Variants in LAMB1 observed in about 807,000 individuals in gnomAD.
LAMB1 encodes the protein laminin subunit beta 1.
In LAMB1, 121 loss-of-function variants were observed where a neutral mutation model predicts 222.3. That is an observed-to-expected ratio of 0.54 (90% CI 0.47 to 0.63). The LOEUF is 0.63. Among genes scored for constraint, LAMB1 ranks in the 30% least tolerant of loss-of-function variants. LAMB1 has a pLI of 0.00. For synonymous variants in LAMB1, 794 were observed against 807.2 expected, an observed-to-expected ratio of 0.98 and a Z score of 0.28; for missense variants, 2,172 against 2,240.8, an observed-to-expected ratio of 0.97 and a Z score of 0.62.
intron 23 of LAMB1, among the ~76,000 whole-genome samples, chr7:107,951,662 C>CA (rs3216997): frequency 0.25 from 37,453 of 152,112 alleles, 4,921 homozygotes; most frequent in East Asian, 0.49. Flanking sequence ...CAGGAAACAA[C>CA]AGCACTTTTT....
intron 24 of LAMB1, among the ~76,000 whole-genome samples, chr7:107,946,512 G>C (rs966724545): frequency 2.0e-5 from 3 of 152,224 alleles, no homozygotes; most frequent in Admixed American, 2.0e-4. Flanking sequence ...CCCACAAGTA[G>C]CCAGGGAAAA....
At chr7:107,926,388 C>CA in intron 31 of LAMB1, 29 bp from the exon 32 acceptor site, 1 of 1,598,310 alleles carries the variant, frequency 6.3e-7, no homozygotes, top group Non-Finnish European at 8.6e-7. Flanking sequence ...TCCAGCAAGA[C>CA]ATTAGTTTAA....
At chr7:107,980,894 G>C in intron 7 of LAMB1, 83 bp from the exon 8 acceptor site, 2 of 784,688 alleles carry the variant, frequency 2.5e-6, no homozygotes, top group Non-Finnish European at 2.1e-6. Context: ...TTTCTTTTTA[G>C]AGAAAGGCAT....
At chr7:107,993,600 C>T (rs1480888217) in intron 5 of LAMB1, among the ~76,000 whole-genome samples, 1 of 152,202 alleles carries the variant, frequency 6.6e-6, no homozygotes, top group South Asian at 2.1e-4. Flanking sequence ...TCAGAACTAT[C>T]CATGTATATG....
chr7:107,992,626 G>A (rs1390012457), intron 5 of LAMB1, among the ~76,000 whole-genome samples: 1 of 152,180 alleles, frequency 6.6e-6, no homozygotes, highest in Non-Finnish European at 1.5e-5. Flanking sequence ...GCCAGGCGCG[G>A]TAGGCACGCC....
At chr7:107,967,807 G>A (rs540395874) in intron 13 of LAMB1, among the ~76,000 whole-genome samples, 28 of 152,226 alleles carry the variant, frequency 1.8e-4, no homozygotes, top group African/African-American at 6.5e-4. Flanking sequence ...TCTAATTGGG[G>A]ATAAACAATA....
At chr7:107,978,568 A>G (rs533447367) in intron 8 of LAMB1, among the ~76,000 whole-genome samples, 1 of 152,184 alleles carries the variant, frequency 6.6e-6, no homozygotes, top group Non-Finnish European at 1.5e-5. Context: ...CCTGGAAACC[A>G]ATTTATATTA....
intron 9 of LAMB1, among the ~76,000 whole-genome samples, chr7:107,976,418 T>C (rs1183474419): frequency 6.6e-6 from 1 of 152,220 alleles, no homozygotes; most frequent in Non-Finnish European, 1.5e-5. Flanking sequence ...AACAGCCAGC[T>C]AGCTGACCCC....
At chr7:108,002,032 A>G (rs1252228545) in intron 2 of LAMB1, 2 of 1,443,536 alleles carry the variant, frequency 1.4e-6, no homozygotes, top group Non-Finnish European at 1.8e-6. Context: ...AGCCCCGGGG[A>G]GCAGCTCCCC....
At chr7:107,962,739 T>C (rs1177723349) in intron 15 of LAMB1, among the ~76,000 whole-genome samples, 166 bp downstream of exon 15, 1 of 144,980 alleles carries the variant, frequency 6.9e-6, no homozygotes, top group East Asian at 2.0e-4. Flanking sequence ...AGAAAGAAAA[T>C]GGTACATTTA....
intron 31 of LAMB1, 93 bp from the exon 32 acceptor site, chr7:107,926,452 G>A (rs1324890347): frequency 9.5e-7 from 1 of 1,050,504 alleles, no homozygotes; most frequent in East Asian, 2.5e-5. Flanking sequence ...AGTCTGCTGT[G>A]CCATTTTGCT....
At chr7:107,967,831 A>G (rs886873497) in intron 13 of LAMB1, among the ~76,000 whole-genome samples, 1 of 152,204 alleles carries the variant, frequency 6.6e-6, no homozygotes, top group African/African-American at 2.4e-5. Context: ...AAATTAACCA[A>G]TGCAACAAAT....
chr7:108,001,810 CG>C (rs1584548774), intron 2 of LAMB1, 77 bp from the exon 3 acceptor site: 1 of 1,569,088 alleles, frequency 6.4e-7, no homozygotes. Context: ...CAAGCGGGGG[CG>C]GGGGAGTGGG....
intron 6 of LAMB1, 31 bp from the exon 7 acceptor site, chr7:107,986,116 T>C: frequency 6.2e-7 from 1 of 1,610,158 alleles, no homozygotes; most frequent in Non-Finnish European, 8.5e-7. Context: ...AATTGGTACT[T>C]CTGCAATAAT....
chr7:107,965,714 GTTCT>G (rs764283832), intron 13 of LAMB1, among the ~76,000 whole-genome samples: 4 of 152,148 alleles, frequency 2.6e-5, no homozygotes, highest in Non-Finnish European at 5.9e-5. Flanking sequence ...CTCAAGGTTT[GTTCT>G]TTCTTTTTTT....
At position 107,940,464 on chromosome 7, in the gene LAMB1, A is replaced by C. The variant is rs560964332; in HGVS notation, c.3392-106T>G. On this transcript the variant is annotated intron_variant, in intron 24 of 33. Transcript: ENST00000222399. Reference sequence around the variant, plus strand: ...TCACTGTGAAAATGGGAAGGTGTCAACCATCGACAACAATTGACCAATGGC... The same window carrying C: ...TCACTGTGAAAATGGGAAGGTGTCACCCATCGACAACAATTGACCAATGGC... 1.2e-4 allele frequency: 151 copies of C among 1,208,772 alleles called. No individual in the cohort carries two copies. In the African/African-American group the frequency reaches 1.9e-3, roughly 16 times the overall value. 74.9% of individuals were successfully genotyped at this position (1,208,772 alleles called of 1,614,324 possible).
chr7:107,932,044 T>A, intron 28 of LAMB1, 130 bp downstream of exon 28: 1 of 855,056 alleles, frequency 1.2e-6, no homozygotes, highest in East Asian at 2.4e-5. Flanking sequence ...ACATGAACTT[T>A]CATATTTGAT....
At chr7:107,936,066 C>A (rs1263134385) in intron 26 of LAMB1, among the ~76,000 whole-genome samples, 1 of 152,154 alleles carries the variant, frequency 6.6e-6, no homozygotes, top group East Asian at 1.9e-4. Flanking sequence ...GTGGATTCAA[C>A]CAACTGTGGA....
chr7:107,983,544 GC>G (rs1220632825), intron 7 of LAMB1, among the ~76,000 whole-genome samples: 2 of 141,224 alleles, frequency 1.4e-5, no homozygotes, highest in African/African-American at 5.3e-5. Context: ...TGACTCCAAA[GC>G]CCTTTTTTTT....
Sources: gnomAD v4.1 joint callset for allele counts (sites outside exome capture counted in the v4.1 genomes callset) on GRCh38, gnomAD v4.1.1 for gene constraint, MANE v1.5 for transcripts, NCBI Gene and HGNC (gene_info 2026-07-23, HGNC 2026-07-21) for gene names.